Variants in RYK observed in about 807,000 individuals in gnomAD.
The protein encoded by RYK is receptor like tyrosine kinase, also known as inactive tyrosine-protein kinase RYK.
A neutral mutation model predicts 70.2 loss-of-function variants in RYK; 21 were observed. The observed-to-expected ratio is 0.30, with a 90% confidence interval of 0.21 to 0.43. RYK has a LOEUF of 0.43. Ranked by LOEUF, RYK falls within the 20% of genes least tolerant of loss-of-function variation. RYK has a pLI of 1.00. For synonymous variants in RYK, 267 were observed against 278.0 expected, an observed-to-expected ratio of 0.96 and a Z score of 0.39; for missense variants, 604 against 753.3, an observed-to-expected ratio of 0.80 and a Z score of 2.32.
At chr3:134,184,961 CAAAAAAAAAAA>C (rs34543975) in intron 9 of RYK, among the ~76,000 whole-genome samples, 5 of 80,132 alleles carry the variant, frequency 6.2e-5, no homozygotes, top group Admixed American at 3.9e-4. Context: ...CCCATCTCTA[CAAAAAAAAAAA>C]AAAAAAAAAA....
At chr3:134,213,427 T>C (rs1312047627) in intron 2 of RYK, among the ~76,000 whole-genome samples, 1 of 152,188 alleles carries the variant, frequency 6.6e-6, no homozygotes, top group Non-Finnish European at 1.5e-5. Context: ...GCATCAGCAG[T>C]CATTCCAGAA....
chr3:134,233,256 G>A (rs568657043), intron 1 of RYK, among the ~76,000 whole-genome samples: 251 of 152,270 alleles, frequency 1.6e-3, no homozygotes, highest in Non-Finnish European at 3.0e-3. Context: ...TGAGTGGCTG[G>A]CCCTTAACCT....
chr3:134,163,425 C>T (rs142642483), intron 13 of RYK, among the ~76,000 whole-genome samples: 329 of 152,230 alleles, frequency 2.2e-3, no homozygotes, highest in African/African-American at 6.9e-3. Context: ...CAGAGTTTTA[C>T]GAAAGATTGT....
intron 5 of RYK, among the ~76,000 whole-genome samples, chr3:134,204,591 CCACACACACACACACA>C (rs59154111): frequency 2.8e-5 from 4 of 140,694 alleles, no homozygotes; most frequent in African/African-American, 8.0e-5. Context: ...ACAGCCACAG[CCACACACACACACACA>C]CACACACACA....
rs144094195 is a variant in RYK at position 134,231,290 on chromosome 3, T to G, written c.233-8751A>C. The stretch of plus-strand genomic sequence containing the variant: ...GTTTTGTTCTACTAGAAATTTTATC[T>G]TATCTGTCAAGGAGACGGGTGGATA... On this transcript the variant is annotated intron_variant, in intron 1 of 14. Transcript: ENST00000623711. Among the ~76,000 whole-genome samples the G allele has an allele frequency of 5.9e-3, 901 of 152,204 alleles. 8 individuals are homozygous for G. The highest frequency in any genetic ancestry group is 0.018 in the African/African-American group (767 of 41,510).
Position 134,175,738 on chromosome 3 carries a change from T to C in RYK, c.1446A>G (p.Thr482=). The C allele has an allele frequency of 6.2e-7, 1 of 1,613,954 alleles. No individual in the cohort carries two copies. The highest frequency in any genetic ancestry group is 8.5e-7 in the Non-Finnish European group (1 of 1,179,820). ...VIDDTLQVKI[T]DNALSRDLFP... is the part of the protein sequence containing the mutation. ...ACAAGTCTCTGGAGAGGGCATTGTC[T>C]GTGATCTTAACTTGAAGTGTGTCAT... The change falls in exon 13 of 15, where the codon ACA becomes ACG. Residue 482 remains threonine, a synonymous_variant. Coordinates refer to ENST00000623711, the MANE Select transcript of RYK (RefSeq NM_002958.4).
At chr3:134,195,716 GCGGA>G (rs963124208) in intron 6 of RYK, among the ~76,000 whole-genome samples, 3 of 152,214 alleles carry the variant, frequency 2.0e-5, no homozygotes, top group African/African-American at 7.2e-5. Context: ...GGAGGCCAAG[GCGGA>G]CAGATGACTG....
At chr3:134,162,565 ATT>A (rs2012515444) in intron 13 of RYK, among the ~76,000 whole-genome samples, 1 of 152,164 alleles carries the variant, frequency 6.6e-6, no homozygotes, top group African/African-American at 2.4e-5. Flanking sequence ...GGGACATTCT[ATT>A]CTGCTTAAAA....
chr3:134,246,347 G>C (rs1426058025), intron 1 of RYK, among the ~76,000 whole-genome samples: 236 of 130,736 alleles, frequency 1.8e-3, no homozygotes, highest in East Asian at 5.9e-3. Context: ...CACACACAGA[G>C]AGAGAGAAAA....
intron 2 of RYK, 59 bp downstream of exon 2, chr3:134,222,359 C>A: frequency 6.3e-7 from 1 of 1,598,512 alleles, no homozygotes; most frequent in Non-Finnish European, 8.6e-7. Context: ...TCAAACACAG[C>A]CCTTGCCTCT....
rs1400162394 is a variant in RYK at position 134,250,410 on chromosome 3, C to T, written c.232+13G>A. On this transcript the variant is annotated intron_variant, in intron 1 of 14. Transcript: ENST00000623711. Reference sequence around the variant, plus strand: ...CCCGACCTGCCCGCCCCGGCCTCGGCGGCCCCACTCACCGATCAGCCGGCG... The same window carrying T: ...CCCGACCTGCCCGCCCCGGCCTCGGTGGCCCCACTCACCGATCAGCCGGCG... The T allele has an allele frequency of 2.2e-6, 3 of 1,379,850 alleles. No homozygotes were observed. Among genetic ancestry groups the T allele is most frequent in the South Asian group, 1.6e-5 (1 of 63,784 alleles). 85.5% of individuals were successfully genotyped at this position (1,379,850 alleles called of 1,614,324 possible).
chr3:134,236,268 G>A (rs1342026591), intron 1 of RYK, among the ~76,000 whole-genome samples: 2 of 152,048 alleles, frequency 1.3e-5, no homozygotes, highest in African/African-American at 4.8e-5. Context: ...AACAATCCAA[G>A]TAGGAAAGGA....
chr3:134,216,035 C>CAAA (rs11425839), intron 2 of RYK, among the ~76,000 whole-genome samples: 8 of 130,758 alleles, frequency 6.1e-5, no homozygotes, highest in South Asian at 2.5e-4. Flanking sequence ...GACTCAGTCT[C>CAAA]AAAAAAAAAA....
At chr3:134,166,687 A>C (rs1486443904) in intron 13 of RYK, among the ~76,000 whole-genome samples, 1 of 152,204 alleles carries the variant, frequency 6.6e-6, no homozygotes, top group African/African-American at 2.4e-5. Context: ...GGGAATATTA[A>C]ACAGAATAAG....
chr3:134,212,375 A>G (rs2014429587), intron 2 of RYK, among the ~76,000 whole-genome samples: 1 of 152,234 alleles, frequency 6.6e-6, no homozygotes, highest in Non-Finnish European at 1.5e-5. Context: ...GAAATTCAGA[A>G]TGGCTGCCAG....
intron 1 of RYK, among the ~76,000 whole-genome samples, chr3:134,231,241 C>T (rs1333571293): frequency 1.3e-5 from 2 of 150,142 alleles, no homozygotes; most frequent in Admixed American, 6.6e-5. Flanking sequence ...TCAAGTCATA[C>T]ATGCAGTCAT....
intron 1 of RYK, among the ~76,000 whole-genome samples, chr3:134,224,599 C>A (rs992392747): frequency 6.6e-6 from 1 of 152,292 alleles, no homozygotes. Flanking sequence ...TCTAACTCCC[C>A]CGGGGAAAGG....
intron 1 of RYK, among the ~76,000 whole-genome samples, chr3:134,249,713 C>A (rs528933885): frequency 6.6e-6 from 1 of 152,008 alleles, no homozygotes; most frequent in South Asian, 2.1e-4. Flanking sequence ...GGAGAGTGGC[C>A]CAGAAGTACA....
intron 6 of RYK, among the ~76,000 whole-genome samples, chr3:134,198,076 C>T (rs1296811466): frequency 6.6e-6 from 1 of 152,186 alleles, no homozygotes; most frequent in African/African-American, 2.4e-5. Flanking sequence ...CTACCCCTGA[C>T]ATCCATTAAA....
Sources: allele counts gnomAD v4.1 joint callset (sites outside exome capture counted in the v4.1 genomes callset), GRCh38; gene constraint gnomAD v4.1.1; transcripts MANE v1.5; gene names NCBI Gene and HGNC (gene_info 2026-07-23, HGNC 2026-07-21).